The following OTULIN variants were observed in gnomAD, a reference collection of about 807,000 sequenced individuals.
OTULIN encodes the protein ubiquitin thioesterase otulin.
A neutral mutation model predicts 39.6 loss-of-function variants in OTULIN; 15 were observed. The ratio of observed to expected loss-of-function variants is 0.38; its 90% CI spans 0.25 to 0.58. OTULIN has a LOEUF of 0.58. OTULIN is among the 20% of genes least tolerant of loss of function. OTULIN has a pLI of 0.66. For synonymous variants in OTULIN, 156 were observed against 170.3 expected, an observed-to-expected ratio of 0.92 and a Z score of 0.65; for missense variants, 319 against 445.9, an observed-to-expected ratio of 0.72 and a Z score of 2.56.
intron 4 of OTULIN, among the ~76,000 whole-genome samples, chr5:14,682,981 T>C (rs1262882030): frequency 6.6e-6 from 1 of 152,194 alleles, no homozygotes; most frequent in Non-Finnish European, 1.5e-5. Flanking sequence ...ACTTGTTGAC[T>C]AAGCTAGAGG....
chr5:14,693,082 C>T lies in OTULIN; in HGVS notation c.*34C>T, dbSNP rs750399364. On this transcript the variant is annotated 3_prime_UTR_variant, in exon 7 of 7. Coordinates refer to ENST00000284274, the MANE Select transcript of OTULIN (RefSeq NM_138348.6). ...TGCTCCTGACAGCCTGGCGACGTGG[C>T]GAAGATGCACAGGTGGCTCCTGGGC... The T allele has an allele frequency of 1.1e-5, 17 of 1,552,102 alleles. No individual in the cohort carries two copies. The highest frequency in any genetic ancestry group is 8.2e-5 in the South Asian group (7 of 84,984).
At chr5:14,704,116 G>C (rs1311394311), downstream of OTULIN, among the ~76,000 whole-genome samples, 1 of 152,058 alleles carries the variant, frequency 6.6e-6, no homozygotes, top group East Asian at 1.9e-4. Flanking sequence ...CAGATCACAA[G>C]GTCAGGAGAT....
At chr5:14,706,289 T>C in the OTULIN span, 1 of 152,220 alleles carries the variant, frequency 6.6e-6, no homozygotes, top group Admixed American at 6.5e-5. Flanking sequence ...ATGCAGTCTT[T>C]TAGAGATCCT....
At chr5:14,667,852 C>T (rs1735889309) in intron 1 of OTULIN, among the ~76,000 whole-genome samples, 1 of 152,132 alleles carries the variant, frequency 6.6e-6, no homozygotes, top group African/African-American at 2.4e-5. Flanking sequence ...TTTGTCAGAC[C>T]AGATTAGTTT....
At chr5:14,684,099 A>C (rs567848239) in intron 4 of OTULIN, among the ~76,000 whole-genome samples, 1 of 152,300 alleles carries the variant, frequency 6.6e-6, no homozygotes, top group South Asian at 2.1e-4. Flanking sequence ...ATCAGCTATT[A>C]TATTTTTCTG....
intron 6 of OTULIN, among the ~76,000 whole-genome samples, chr5:14,691,064 T>G (rs1478616955): frequency 1.3e-5 from 2 of 152,262 alleles, no homozygotes; most frequent in African/African-American, 4.8e-5. Flanking sequence ...TGTGGAGTTT[T>G]ACACACAAAC....
At chr5:14,704,261 C>CAG (rs926425297), downstream of OTULIN, among the ~76,000 whole-genome samples, 70 of 125,574 alleles carry the variant, frequency 5.6e-4, no homozygotes, top group African/African-American at 2.0e-3. Context: ...ACCCGGGAGG[C>CAG]AGAGGTTGCA....
rs371256817 is a variant in OTULIN, at chr5:14,673,203, G to C, written c.153-439G>C. Among the ~76,000 whole-genome samples, 10 of 152,252 alleles carry C rather than the reference G, an allele frequency of 6.6e-5. No homozygotes were observed. The East Asian group carries it at 1.2e-3, about 18-fold the overall frequency. ...TTTTAAGGTAGCTATTGTCAGGTTTGCTTGTGACACGTTACAAAGGTCGGC... is the reference window on the plus strand; with the variant it reads ...TTTTAAGGTAGCTATTGTCAGGTTTCCTTGTGACACGTTACAAAGGTCGGC... On this transcript the variant is annotated intron_variant, in intron 1 of 6. Coordinates refer to ENST00000284274, the MANE Select transcript of OTULIN (RefSeq NM_138348.6).
At chr5:14,687,216 C>T (rs1455658844) in intron 4 of OTULIN, among the ~76,000 whole-genome samples, 1 of 152,110 alleles carries the variant, frequency 6.6e-6, no homozygotes, top group Non-Finnish European at 1.5e-5. Flanking sequence ...GGTGTGAGGA[C>T]GTGCTGTGGG....
At chr5:14,687,880 A>G (rs147862474) in intron 5 of OTULIN, 162 of 313,422 alleles carry the variant, frequency 5.2e-4, no homozygotes, top group African/African-American at 3.3e-3. Context: ...CAAATAATGA[A>G]GTGTTTGACT....
At position 14,695,051 on chromosome 5, in the gene OTULIN, T is replaced by A. The variant is rs887275991; in HGVS notation, c.*2003T>A. ...AGAATACTCATGTTAATAATAGTCA[T>A]CTATCCTTGCATTTTGAAACTGTTC... On this transcript the variant is annotated 3_prime_UTR_variant, in exon 7 of 7. Transcript: ENST00000284274. 6.6e-6 allele frequency: 1 copy of A among 152,216 alleles called. No individual in the cohort carries two copies. The highest frequency in any genetic ancestry group is 1.5e-5 in the Non-Finnish European group (1 of 68,032). The allele number at this position is 152,216 out of a possible 1,614,324, so 9.4% of individuals were successfully genotyped here. A position where few individuals can be genotyped will look rare whatever the true frequency, so the allele number is the denominator to read the frequency against.
chr5:14,668,083 T>C (rs1006437730), intron 1 of OTULIN, among the ~76,000 whole-genome samples: 2 of 152,178 alleles, frequency 1.3e-5, no homozygotes, highest in East Asian at 1.9e-4. Context: ...CCCTCTGAAA[T>C]TGAAAGCAAT....
In OTULIN at chr5:14,687,642, A is replaced by G. The variant is rs913250972; in HGVS notation, c.590A>G (p.Lys197Arg). 19 of 1,611,638 alleles carry G rather than the reference A, an allele frequency of 1.2e-5. No individual in the cohort carries two copies. Among genetic ancestry groups the G allele is most frequent in the Non-Finnish European group, 1.4e-5 (17 of 1,179,320 alleles). ...KIKESLTLLR[K>R]KWAGLAEMRT... ...AAAGAGTCCCTTACTCTGCTGAGGA[A>G]GAAGGTTTGGAACCTGTAGTGTCCT... Residue 197 changes from lysine (K) to arginine (R), a missense_variant, in exon 5 of 7, where the codon AAG becomes AGG. Physicochemically the swap from Lys to Arg is conservative, Grantham distance 26. This residue lies in a region of OTULIN where 54 missense variants were observed against 50.7 expected (regional missense o/e 1.07). Transcript: ENST00000284274.
At chr5:14,681,773 C>A in intron 4 of OTULIN, 166 bp downstream of exon 4, 4 of 739,526 alleles carry the variant, frequency 5.4e-6, no homozygotes, top group East Asian at 2.9e-5. Context: ...GTTAAATGAC[C>A]AAAAATAATT....
intron 1 of OTULIN, among the ~76,000 whole-genome samples, chr5:14,669,500 G>A (rs779855136): frequency 3.3e-5 from 5 of 152,162 alleles, no homozygotes; most frequent in Non-Finnish European, 5.9e-5. Flanking sequence ...GGCTGAGCAC[G>A]GTGGCTCACA....
chr5:14,678,416 C>T (rs933524340), intron 2 of OTULIN, among the ~76,000 whole-genome samples: 2 of 152,172 alleles, frequency 1.3e-5, no homozygotes, highest in African/African-American at 2.4e-5. Flanking sequence ...ATCTGATTCA[C>T]GTTTAGATGG....
intron 2 of OTULIN, among the ~76,000 whole-genome samples, chr5:14,677,691 G>A (rs935361941): frequency 7.9e-5 from 12 of 152,236 alleles, no homozygotes; most frequent in African/African-American, 2.9e-4. Context: ...TTAGAGTCAG[G>A]TGAGGTCTGT....
rs906146306 is a variant in OTULIN at position 14,696,508 on chromosome 5, A to G, written c.*3460A>G. Reference sequence around the variant, plus strand: ...TGAATGTGAAATGTGTGTGAAATACATAGAATTCCCAAATAGTTTAGCAAA... The same window carrying G: ...TGAATGTGAAATGTGTGTGAAATACGTAGAATTCCCAAATAGTTTAGCAAA... On this transcript the variant is annotated 3_prime_UTR_variant, in exon 7 of 7. Transcript: ENST00000284274. The G allele has an allele frequency of 1.3e-5, 2 of 152,244 alleles. No individual in the cohort carries two copies. Among genetic ancestry groups the G allele is most frequent in the African/African-American group, 4.8e-5 (2 of 41,468 alleles). 9.4% of individuals were successfully genotyped at this position (152,244 alleles called of 1,614,324 possible). A position where few individuals can be genotyped will look rare whatever the true frequency, so the allele number is the denominator to read the frequency against.
downstream of OTULIN, among the ~76,000 whole-genome samples, chr5:14,700,158 C>T (rs559384378): frequency 2.5e-4 from 38 of 152,268 alleles, no homozygotes; most frequent in African/African-American, 8.4e-4. Context: ...CTTCTGTAAC[C>T]ACTTTTGAGT....
Sources: allele counts gnomAD v4.1 joint callset (sites outside exome capture counted in the v4.1 genomes callset), GRCh38; gene constraint gnomAD v4.1.1; regional missense constraint gnomAD v4.1.1; transcripts MANE v1.5; gene names NCBI Gene and HGNC (gene_info 2026-07-23, HGNC 2026-07-21).